The following VAV3 variants were observed in gnomAD, a reference collection of about 807,000 sequenced individuals.
VAV3 encodes the protein vav guanine nucleotide exchange factor 3.
Under a neutral mutation model 131.2 loss-of-function variants are expected in VAV3, and 94 were observed. That is an observed-to-expected ratio of 0.72 (90% confidence interval 0.61 to 0.85). The LOEUF is 0.85. Ranked by LOEUF, VAV3 falls within the 40% of genes least tolerant of loss-of-function variation. The pLI is 0.00. For synonymous variants in VAV3, 349 were observed against 342.0 expected (o/e 1.02, Z -0.22); for missense variants, 939 against 1,002.7 (o/e 0.94, Z 0.86).
chr1:107,662,916 C>G (rs566387598), intron 19 of VAV3, among the ~76,000 whole-genome samples: 10 of 152,296 alleles, frequency 6.6e-5, no homozygotes, highest in Non-Finnish European at 1.0e-4. Flanking sequence ...CCTCACTATC[C>G]ACAGCAATGA....
chr1:107,783,293 G>T (rs907987836), intron 2 of VAV3, among the ~76,000 whole-genome samples: 3 of 152,176 alleles, frequency 2.0e-5, no homozygotes, highest in African/African-American at 7.2e-5. Flanking sequence ...GCAGACTGGG[G>T]TAGAGGACAT....
At chr1:107,749,628 T>C in intron 13 of VAV3, 34 bp from the exon 14 acceptor site, 2 of 1,595,552 alleles carry the variant, frequency 1.3e-6, no homozygotes, top group Non-Finnish European at 1.7e-6. Flanking sequence ...TGATTTTAAA[T>C]GGTTTAGAAA....
chr1:107,800,692 G>A (rs1441364500), intron 2 of VAV3, among the ~76,000 whole-genome samples: 2 of 152,058 alleles, frequency 1.3e-5, no homozygotes, highest in Non-Finnish European at 2.9e-5. Context: ...TTCTTTTGTT[G>A]TTGAGTTCCT....
rs372314733 is a variant in VAV3, at chr1:107,964,862, G to C, written c.8C>G (p.Pro3Arg). The C allele has an allele frequency of 2.1e-4, 338 of 1,599,418 alleles. 1 individual carries two copies. Among genetic ancestry groups the C allele is most frequent in the Non-Finnish European group, 2.6e-4 (308 of 1,172,930 alleles). Reference protein sequence around the residue: MEPWKQCAQWLIH... With the variant: MERWKQCAQWLIH... ...GAGCCACTGCGCGCACTGCTTCCAC[G>C]GCTCCATGCCCGACGGCTCCGGGAC... Residue 3 changes from proline (P) to arginine (R), a missense_variant, in exon 1 of 27, where the codon CCG becomes CGG. Physicochemically the swap from Pro to Arg is moderately radical, Grantham distance 103 (BLOSUM62 -2). Coordinates refer to ENST00000370056, the MANE Select transcript of VAV3 (RefSeq NM_006113.5).
intron 2 of VAV3, among the ~76,000 whole-genome samples, chr1:107,837,597 G>T (rs1470737384): frequency 6.6e-6 from 1 of 151,894 alleles, no homozygotes; most frequent in Admixed American, 6.6e-5. Context: ...TTAAGCAAAA[G>T]GAACAAAGCC....
At chr1:107,946,368 T>C (rs1674261688) in intron 1 of VAV3, among the ~76,000 whole-genome samples, 1 of 152,220 alleles carries the variant, frequency 6.6e-6, no homozygotes, top group South Asian at 2.1e-4. Context: ...CCGTACAAAG[T>C]CATTTCACAA....
intron 2 of VAV3, among the ~76,000 whole-genome samples, chr1:107,795,274 T>C (rs1214027802): frequency 6.6e-6 from 1 of 152,228 alleles, no homozygotes; most frequent in Non-Finnish European, 1.5e-5. Flanking sequence ...ATAACTAGCA[T>C]CTAAATAACT....
chr1:107,705,096 G>C, intron 15 of VAV3, 35 bp from the exon 16 acceptor site: 1 of 1,520,750 alleles, frequency 6.6e-7, no homozygotes. Context: ...TCTATAGAAA[G>C]TTTCACAACA....
intron 17 of VAV3, among the ~76,000 whole-genome samples, chr1:107,689,541 G>A (rs1296014849): frequency 1.4e-5 from 2 of 147,286 alleles, no homozygotes; most frequent in Admixed American, 6.8e-5. Flanking sequence ...TTTTTTTAAC[G>A]AATACTTCTG....
rs1289882168 is a variant in VAV3 at position 107,653,413 on chromosome 1, TG to T, written c.1778-10659del. Reference sequence around the variant, plus strand: ...GAAGAGTAGTCTTTTATTTATAAAATGGTGCTACAATTAAAATACTTACTTG... The same window carrying T: ...GAAGAGTAGTCTTTTATTTATAAAATGTGCTACAATTAAAATACTTACTTG... On this transcript the variant is annotated intron_variant, in intron 19 of 26. Transcript: ENST00000370056. 2.6e-5 allele frequency among the ~76,000 whole-genome samples: 4 copies of T among 152,172 alleles called. No individual in the cohort carries two copies. In the East Asian group the frequency reaches 5.8e-4, roughly 22 times the overall value.
At chr1:107,850,607 A>T (rs1669173717) in intron 2 of VAV3, among the ~76,000 whole-genome samples, 2 of 152,060 alleles carry the variant, frequency 1.3e-5, no homozygotes, top group Non-Finnish European at 2.9e-5. Context: ...GCATTAGGAG[A>T]AGTACCTAGT....
chr1:107,935,986 G>A (rs1673693366), intron 1 of VAV3, among the ~76,000 whole-genome samples: 1 of 152,154 alleles, frequency 6.6e-6, no homozygotes, highest in Non-Finnish European at 1.5e-5. Flanking sequence ...CAGTGTGTGA[G>A]AGATGAGGAC....
rs115372158 is a variant in VAV3 at position 107,803,577 on chromosome 1, A to G, written c.322-24085T>C. 2.1e-3 allele frequency among the ~76,000 whole-genome samples: 320 copies of G among 151,962 alleles called. 4 individuals are homozygous for G. In the Middle Eastern group the frequency reaches 0.024, roughly 11 times the overall value. ...TCATTTCAGAGAGGTTCTTCTTGTG[A>G]TTGATTTCTAGTTTTATTTCATTGT... On this transcript the variant is annotated intron_variant, in intron 2 of 26. Coordinates refer to ENST00000370056, the MANE Select transcript of VAV3 (RefSeq NM_006113.5).
chr1:107,843,365 AAT>A (rs34150658), intron 2 of VAV3, among the ~76,000 whole-genome samples: 22,760 of 139,788 alleles, frequency 0.16, 2,032 homozygotes, highest in East Asian at 0.28. Context: ...GCACAACACA[AAT>A]ATATATATAT....
intron 6 of VAV3, among the ~76,000 whole-genome samples, chr1:107,769,905 T>C (rs1417512283): frequency 1.3e-5 from 2 of 152,198 alleles, no homozygotes; most frequent in Admixed American, 6.5e-5. Context: ...ATTTTTGTCA[T>C]CTCGATTAAC....
At chr1:107,691,641 C>A (rs570182341) in intron 17 of VAV3, among the ~76,000 whole-genome samples, 1 of 152,170 alleles carries the variant, frequency 6.6e-6, no homozygotes, top group Non-Finnish European at 1.5e-5. Context: ...ATTTACCCTG[C>A]AGCCTACTTC....
chr1:107,831,472 T>C (rs904473893), intron 2 of VAV3, among the ~76,000 whole-genome samples: 2 of 152,164 alleles, frequency 1.3e-5, no homozygotes, highest in Non-Finnish European at 2.9e-5. Context: ...TATATTGCAA[T>C]GTTTATTCCC....
intron 2 of VAV3, among the ~76,000 whole-genome samples, chr1:107,842,937 T>C (rs989499675): frequency 6.6e-6 from 1 of 152,188 alleles, no homozygotes; most frequent in Admixed American, 6.5e-5. Context: ...AGTGTTCATA[T>C]TCCTATCATG....
At chr1:107,810,455 C>T (rs183843948) in intron 2 of VAV3, among the ~76,000 whole-genome samples, 8 of 147,544 alleles carry the variant, frequency 5.4e-5, no homozygotes, top group Non-Finnish European at 1.2e-4. Flanking sequence ...ATTCCACATA[C>T]TCTATTTATA....
Sources: allele counts gnomAD v4.1 joint callset (sites outside exome capture counted in the v4.1 genomes callset), GRCh38; gene constraint gnomAD v4.1.1; transcripts MANE v1.5; gene names NCBI Gene and HGNC (gene_info 2026-07-23, HGNC 2026-07-21).